The following GLB1L3 variants were observed in gnomAD, a reference collection of about 807,000 sequenced individuals.
GLB1L3 encodes galactosidase beta 1 like 3.
GLB1L3 carries 89 observed loss-of-function variants against 89.5 expected under a neutral mutation model. The ratio of observed to expected loss-of-function variants is 0.99; its 90% CI spans 0.84 to 1.19. The LOEUF (loss-of-function observed/expected upper bound fraction) is 1.19, where lower values mean the gene tolerates loss of function less well. Among genes scored for constraint, GLB1L3 ranks in the 50% most tolerant of loss-of-function variants. GLB1L3 has a pLI of 0.00. For synonymous variants in GLB1L3, 314 were observed against 312.3 expected (o/e 1.01, Z -0.06); for missense variants, 812 against 813.3 (o/e 1.00, Z 0.02).
At chr11:134,284,559 T>C (rs901022695) in intron 6 of GLB1L3, among the ~76,000 whole-genome samples, 1 of 151,950 alleles carries the variant, frequency 6.6e-6, no homozygotes, top group African/African-American at 2.4e-5. Context: ...AAACTCCATC[T>C]CTACTAAAAA....
rs550524596 is a variant in GLB1L3 at position 134,319,366 on chromosome 11, TAAC to T, written c.*436_*438del. On this transcript the variant is annotated 3_prime_UTR_variant, in exon 20 of 20. Coordinates refer to ENST00000431683, the MANE Select transcript of GLB1L3 (RefSeq NM_001080407.3). ...GCCTACAATAGCAAAAATGTGAAAA[TAAC>T]AACAACAACAAAACAGCAGAGGAAT... The T allele has an allele frequency of 2.3e-3, 370 of 160,348 alleles. 3 individuals carry two copies. The highest frequency in any genetic ancestry group is 6.1e-3 in the African/African-American group (252 of 41,630). The allele number at this position is 160,348 out of a possible 1,614,324, so 9.9% of individuals were successfully genotyped here.
At chr11:134,302,434 A>G (rs1459392334) in intron 9 of GLB1L3, among the ~76,000 whole-genome samples, 7 of 152,204 alleles carry the variant, frequency 4.6e-5, no homozygotes, top group Non-Finnish European at 8.8e-5. Flanking sequence ...CATAGTTGAT[A>G]ACAACATTCA....
In GLB1L3 at chr11:134,283,778, A is replaced by T; in HGVS notation, c.569A>T (p.Asn190Ile). 2 of 1,613,170 alleles carry T rather than the reference A, an allele frequency of 1.2e-6. No homozygotes were observed. The highest frequency in any genetic ancestry group is 1.7e-6 in the Non-Finnish European group (2 of 1,179,600). The change falls in exon 6 of 20, where the codon AAC becomes ATC. Residue 190 changes from asparagine (N) to isoleucine (I), a missense_variant. By Grantham distance (149) the Asn-to-Ile change is moderately radical. Around this residue, in one of 3 missense-constraint regions of GLB1L3, gnomAD observed 618 missense variants for 604.0 expected, o/e 1.02. Coordinates refer to ENST00000431683, the MANE Select transcript of GLB1L3 (RefSeq NM_001080407.3). The part of the protein sequence containing the change: ...QDPRLLLRTT[N>I]KSFIEAVEKY... Reference sequence around the variant, plus strand: ...CCCCGGTTACTGTTGAGGACAACCAACAAGAGCTTCATTGAAGCAGTTGAG... The same window carrying T: ...CCCCGGTTACTGTTGAGGACAACCATCAAGAGCTTCATTGAAGCAGTTGAG...
At chr11:134,278,347 C>T (rs567460731) in intron 3 of GLB1L3, among the ~76,000 whole-genome samples, 116 of 152,140 alleles carry the variant, frequency 7.6e-4, no homozygotes, top group African/African-American at 2.7e-3. Flanking sequence ...TGCAGTGGCC[C>T]GATCTTAGCT....
Position 134,318,998 on chromosome 11 carries a change from A to G in GLB1L3, c.*56A>G. The G allele has an allele frequency of 7.8e-7, 1 of 1,278,022 alleles. No individual in the cohort carries two copies. Among genetic ancestry groups the G allele is most frequent in the East Asian group, 2.3e-5 (1 of 43,072 alleles). 79.2% of individuals were successfully genotyped at this position (1,278,022 alleles called of 1,614,324 possible). ...GAGATGGAGTCTCACTTTGTCGCCCAGGCTGGAGTGCAGTGGCACAATCTC... is the reference window on the plus strand; with the variant it reads ...GAGATGGAGTCTCACTTTGTCGCCCGGGCTGGAGTGCAGTGGCACAATCTC... On this transcript the variant is annotated 3_prime_UTR_variant, in exon 20 of 20. Transcript: ENST00000431683.
downstream of GLB1L3, among the ~76,000 whole-genome samples, chr11:134,321,238 A>G (rs1943163939): frequency 1.3e-5 from 2 of 152,220 alleles, no homozygotes; most frequent in Admixed American, 6.5e-5. Flanking sequence ...TGTAATTCTC[A>G]GATATTAACT....
intron 9 of GLB1L3, among the ~76,000 whole-genome samples, chr11:134,300,553 C>G (rs1163056030): frequency 6.6e-6 from 1 of 152,016 alleles, no homozygotes; most frequent in East Asian, 1.9e-4. Flanking sequence ...CCAGGATGGT[C>G]TCTATCTCCT....
At chr11:134,312,602 G>A (rs1942789843) in intron 14 of GLB1L3, 113 bp downstream of exon 14, 1 of 1,324,346 alleles carries the variant, frequency 7.6e-7, no homozygotes, top group Non-Finnish European at 1.0e-6. Flanking sequence ...TACTATATGG[G>A]AGGCATTGGG....
chr11:134,297,571 A>G (rs1304704773), intron 9 of GLB1L3, among the ~76,000 whole-genome samples: 3 of 152,120 alleles, frequency 2.0e-5, no homozygotes, highest in African/African-American at 7.2e-5. Flanking sequence ...CTTAGAATTT[A>G]AAATATAGGC....
chr11:134,322,642 T>G (rs73604932), downstream of GLB1L3, among the ~76,000 whole-genome samples: 4 of 152,214 alleles, frequency 2.6e-5, no homozygotes, highest in Non-Finnish European at 4.4e-5. Context: ...TTGCCTATTC[T>G]GAACATTTTA....
At chr11:134,314,117 T>TA (rs1245477655) in intron 17 of GLB1L3, 89 bp downstream of exon 17, 1 of 932,612 alleles carries the variant, frequency 1.1e-6, no homozygotes, top group Non-Finnish European at 1.7e-6. Flanking sequence ...GAGTCCAAGA[T>TA]AGAGACTGAG....
At chr11:134,293,259 T>C (rs369464758) in intron 9 of GLB1L3, 50 bp downstream of exon 9, 21 of 1,427,540 alleles carry the variant, frequency 1.5e-5, no homozygotes, top group Non-Finnish European at 2.1e-5. Flanking sequence ...TACCATGACC[T>C]CCCTTGCCTA....
chr11:134,308,603 AC>A (rs1942536334), intron 10 of GLB1L3, among the ~76,000 whole-genome samples: 1 of 143,262 alleles, frequency 7.0e-6, no homozygotes, highest in Non-Finnish European at 1.6e-5. Flanking sequence ...CATCACCTCC[AC>A]CACCACCACC....
chr11:134,308,653 CAT>C (rs1565414861), intron 10 of GLB1L3, among the ~76,000 whole-genome samples: 3 of 149,178 alleles, frequency 2.0e-5, no homozygotes, highest in Admixed American at 2.0e-4. Context: ...TCACCACCAT[CAT>C]CACCACCACC....
intron 6 of GLB1L3, among the ~76,000 whole-genome samples, chr11:134,285,424 A>G (rs1334969918): frequency 6.6e-6 from 1 of 152,150 alleles, no homozygotes; most frequent in African/African-American, 2.4e-5. Flanking sequence ...AAAAGAGAAG[A>G]TGCACTTGGA....
At chr11:134,277,517 T>C (rs564663071) in intron 2 of GLB1L3, 66 bp downstream of exon 2, 23 of 1,585,556 alleles carry the variant, frequency 1.5e-5, no homozygotes, top group Non-Finnish European at 1.8e-5. Context: ...GAGAAAATAG[T>C]ATCGCGAATA....
chr11:134,323,824 A>G (rs1376268763), downstream of GLB1L3, among the ~76,000 whole-genome samples: 1 of 152,114 alleles, frequency 6.6e-6, no homozygotes, highest in Non-Finnish European at 1.5e-5. Flanking sequence ...TTTAAAAAGC[A>G]TGTTTTAGTT....
chr11:134,276,314 G>A (rs967280235), upstream of GLB1L3: 11 of 166,700 alleles, frequency 6.6e-5, no homozygotes, highest in African/African-American at 2.4e-4. Flanking sequence ...CCAGTCGCGC[G>A]CGCGGCACGG....
chr11:134,310,410 G>A (rs1397437846), intron 11 of GLB1L3, 161 bp from the exon 12 acceptor site: 4 of 602,886 alleles, frequency 6.6e-6, no homozygotes, highest in African/African-American at 1.8e-5. Flanking sequence ...AGGAAGAGTT[G>A]TGGGGAATGT....
Sources: gnomAD v4.1 joint callset for allele counts (sites outside exome capture counted in the v4.1 genomes callset) on GRCh38, gnomAD v4.1.1 for gene constraint, gnomAD v4.1.1 regional missense constraint, MANE v1.5 for transcripts, NCBI Gene and HGNC (gene_info 2026-07-23, HGNC 2026-07-21) for gene names.